The following CLTC variants were observed in gnomAD, a reference collection of about 807,000 sequenced individuals.
CLTC encodes clathrin heavy chain 1.
A neutral mutation model predicts 195.8 loss-of-function variants in CLTC; 16 were observed. The ratio of observed to expected loss-of-function variants is 0.08; its 90% confidence interval spans 0.06 to 0.12. The LOEUF is 0.12. Among genes scored for constraint, CLTC ranks in the 10% least tolerant of loss-of-function variants. The pLI is 1.00. For missense variants in CLTC, 796 were observed against 2,027.0 expected (o/e 0.39, Z 11.66); for synonymous variants, 667 against 689.4 (o/e 0.97, Z 0.51).
At chr17:59,641,666 T>A (rs1364448467) in intron 1 of CLTC, among the ~76,000 whole-genome samples, 2 of 151,672 alleles carry the variant, frequency 1.3e-5, no homozygotes, top group Admixed American at 1.3e-4. Context: ...TTGCATTTTT[T>A]AAATAAAGTA....
chr17:59,620,213 T>G (rs1313984271), intron 1 of CLTC, 40 bp downstream of exon 1: 2 of 1,603,850 alleles, frequency 1.2e-6, no homozygotes, highest in Non-Finnish European at 1.7e-6. Context: ...GTGGAGAAGG[T>G]GGTAGGAAGG....
intron 30 of CLTC, among the ~76,000 whole-genome samples, chr17:59,688,691 T>C (rs560980524): frequency 6.6e-6 from 1 of 152,326 alleles, no homozygotes; most frequent in African/African-American, 2.4e-5. Context: ...CATTGTGATA[T>C]TGCCAGCTCT....
intron 18 of CLTC, 153 bp downstream of exon 18, chr17:59,679,672 T>A: frequency 2.2e-6 from 1 of 464,740 alleles, no homozygotes; most frequent in Non-Finnish European, 3.5e-6. Flanking sequence ...TTTATATATA[T>A]TCAATTTACA....
rs1284860254 is a variant in CLTC, at chr17:59,677,052, A to G, written c.2660A>G (p.Asn887Ser). Residue 887 changes from asparagine to serine, a missense_variant, in exon 17 of 32, where the codon AAT (asparagine) becomes AGT (serine). Around this residue, in one of 9 missense-constraint regions of CLTC, gnomAD observed 160 missense variants for 448.2 expected, o/e 0.36. Coordinates refer to ENST00000269122, the MANE Select transcript of CLTC (RefSeq NM_004859.4). ...TTAGCCAAAATCTACATAGACAGTA[A>G]TAACAACCCGGAGAGATTTCTTCGT... is the stretch of plus-strand genomic sequence containing the variant. ...NALAKIYIDS[N>S]NNPERFLREN... 1.2e-6 allele frequency: 2 copies of G among 1,614,002 alleles called. No homozygotes were observed. The highest frequency in any genetic ancestry group is 1.7e-6 in the Non-Finnish European group (2 of 1,180,006).
intron 1 of CLTC, among the ~76,000 whole-genome samples, chr17:59,622,228 C>G (rs2031402664): frequency 6.6e-6 from 1 of 152,166 alleles, no homozygotes; most frequent in Non-Finnish European, 1.5e-5. Flanking sequence ...ATTCAGTCCT[C>G]TGTGTTTTGG....
At chr17:59,661,383 C>G (rs1373548284) in intron 7 of CLTC, 60 bp from the exon 8 acceptor site, 4 of 1,331,684 alleles carry the variant, frequency 3.0e-6, no homozygotes, top group East Asian at 2.3e-5. Flanking sequence ...TTTCGAAGAG[C>G]GTTTAACATT....
intron 6 of CLTC, among the ~76,000 whole-genome samples, chr17:59,659,456 T>A (rs1385933568): frequency 2.0e-4 from 2 of 9,896 alleles, no homozygotes; most frequent in East Asian, 0.036. Flanking sequence ...TTAATTAATT[T>A]TTTTTTTTTT....
intron 1 of CLTC, among the ~76,000 whole-genome samples, chr17:59,631,603 A>C (rs1171372066): frequency 6.6e-6 from 1 of 152,256 alleles, no homozygotes; most frequent in Non-Finnish European, 1.5e-5. Context: ...GAAATCAGTT[A>C]AGAGCAGAAC....
At position 59,685,214 on chromosome 17, in the gene CLTC, C is replaced by T. The variant is rs146380132; in HGVS notation, c.4593C>T (p.Asp1531=). 1 of 1,579,308 alleles carries T rather than the reference C, an allele frequency of 6.3e-7. No homozygotes were observed. The stretch of plus-strand genomic sequence containing the variant: ...AGAGTGTAGAGCTGTGCAAGAAAGA[C>T]AGCCTTTACAAGGTTGATAAAGTTG... ...WKQSVELCKK[D]SLYKDAMQYA... The change falls in exon 29 of 32, where the codon GAC becomes GAT. Residue 1531 remains aspartate (D), a synonymous_variant. Transcript: ENST00000269122. This position sits in a 1 kb window ranked among gnomAD's most constrained non-coding sequence, Gnocchi z 5.0.
intron 14 of CLTC, among the ~76,000 whole-genome samples, chr17:59,673,100 T>A (rs75169622): frequency 1.1e-4 from 1 of 8,794 alleles, no homozygotes; most frequent in East Asian, 0.038. Flanking sequence ...AAATGCTGGG[T>A]TTTTTTTTTT....
At chr17:59,673,325 T>C (rs954057230) in intron 14 of CLTC, among the ~76,000 whole-genome samples, 6 of 152,202 alleles carry the variant, frequency 3.9e-5, no homozygotes. Context: ...AGAAGTGTTA[T>C]TACCAGTGAA....
rs545814840 is a variant in CLTC, at chr17:59,684,451, G to A, written c.4434+466G>A. 18 of 169,624 alleles carry A rather than the reference G, an allele frequency of 1.1e-4. No homozygotes were observed. The South Asian group carries it at 1.7e-3, about 16-fold the overall frequency. The allele number at this position is 169,624 out of a possible 1,614,324, so 10.5% of individuals were successfully genotyped here. The stretch of plus-strand genomic sequence containing the variant: ...CTCTTCATTTTCTTTGAGGCTCAGC[G>A]CATGCAGATCTGTACTGCTGCCATG... On this transcript the variant is annotated intron_variant, in intron 28 of 31. Coordinates refer to ENST00000269122, the MANE Select transcript of CLTC (RefSeq NM_004859.4).
intron 1 of CLTC, among the ~76,000 whole-genome samples, chr17:59,641,603 C>CAAAAAAA (rs34208843): frequency 4.1e-5 from 2 of 48,834 alleles, no homozygotes; most frequent in Non-Finnish European, 3.4e-5. Flanking sequence ...GACTCCATCT[C>CAAAAAAA]AAAAAAAAAA....
chr17:59,681,415 T>C lies in CLTC; in HGVS notation c.3186T>C (p.Asn1062=). 2 of 1,614,012 alleles carry C rather than the reference T, an allele frequency of 1.2e-6. No individual in the cohort carries two copies. The highest frequency in any genetic ancestry group is 8.5e-7 in the Non-Finnish European group (1 of 1,179,916). The change falls in exon 20 of 32, where the codon AAT becomes AAC. Residue 1062 remains asparagine (N), a synonymous_variant. Transcript: ENST00000269122. This position sits in a 1 kb window ranked among gnomAD's most constrained non-coding sequence, Gnocchi z 5.0. ...APDIANIAIS[N]ELFEEAFAIF... is the part of the protein sequence containing the mutation. ...ATATTGCCAATATCGCCATCAGCAA[T>C]GAGCTGTTTGAAGAAGCATTTGCCA...
At chr17:59,693,654 T>G in intron 31 of CLTC, 74 bp from the exon 32 acceptor site, 1 of 1,478,216 alleles carries the variant, frequency 6.8e-7, no homozygotes, top group Non-Finnish European at 9.0e-7. Flanking sequence ...GAGATTGGAG[T>G]GTTCTAAATG....
At chr17:59,659,390 CA>C (rs1206530448) in intron 6 of CLTC, among the ~76,000 whole-genome samples, 2 of 151,504 alleles carry the variant, frequency 1.3e-5, no homozygotes, top group Non-Finnish European at 2.9e-5. Context: ...TCCAAACAAG[CA>C]ATTAGAAATT....
chr17:59,692,821 G>A (rs1406551105), intron 31 of CLTC, among the ~76,000 whole-genome samples: 1 of 151,866 alleles, frequency 6.6e-6, no homozygotes, highest in Non-Finnish European at 1.5e-5. Flanking sequence ...TGTATTTTTA[G>A]TAGAGACGGG....
At chr17:59,624,251 C>G (rs2031474134) in intron 1 of CLTC, among the ~76,000 whole-genome samples, 1 of 152,012 alleles carries the variant, frequency 6.6e-6, no homozygotes, top group South Asian at 2.1e-4. Context: ...CAAAATATTT[C>G]AAAGAAATTG....
chr17:59,679,311 G>A (rs945931508), intron 17 of CLTC, 86 bp from the exon 18 acceptor site: 1 of 1,119,952 alleles, frequency 8.9e-7, no homozygotes, highest in African/African-American at 1.6e-5. Flanking sequence ...AATAAACATA[G>A]TTTAAAAGAT....
Sources: allele counts gnomAD v4.1 joint callset (sites outside exome capture counted in the v4.1 genomes callset), GRCh38; gene constraint gnomAD v4.1.1; regional missense constraint gnomAD v4.1.1; non-coding constraint Gnocchi (gnomAD v3.1); transcripts MANE v1.5; gene names NCBI Gene and HGNC (gene_info 2026-07-23, HGNC 2026-07-21).